The following XPO7 variants were observed in gnomAD, a reference collection of about 807,000 sequenced individuals.
The protein encoded by XPO7 is exportin-7.
A neutral mutation model predicts 144.3 loss-of-function variants in XPO7; 21 were observed. That is an observed-to-expected ratio of 0.15 (90% CI 0.10 to 0.21). XPO7 has a LOEUF of 0.21. Among genes scored for constraint, XPO7 ranks in the 10% least tolerant of loss-of-function variants. XPO7 has a pLI of 1.00. For synonymous variants in XPO7, 580 were observed against 499.6 expected (o/e 1.16, Z -2.15); for missense variants, 808 against 1,325.8 (o/e 0.61, Z 6.06).
chr8:21,971,005 T>C (rs144216939), intron 4 of XPO7, among the ~76,000 whole-genome samples: 1 of 152,316 alleles, frequency 6.6e-6, no homozygotes, highest in African/African-American at 2.4e-5. Context: ...ACTCCATTCA[T>C]GGTAAGCGCC....
Position 22,002,115 on chromosome 8 carries a change from C to T in XPO7, c.2786C>T (p.Thr929Ile). Residue 929 changes from threonine to isoleucine, a missense_variant, in exon 25 of 28, where the codon ACC (threonine) becomes ATC (isoleucine). This residue lies in a region of XPO7 where 140 missense variants were observed against 237.9 expected (regional missense o/e 0.59). Transcript: ENST00000252512. ...CCCCTGCCTTTCTTTCTTGCAGACA[C>T]CATGGTATGCACAGGCTGCTGCTCC... ...SISEGLTALD[T>I]MVCTGCCSCL... The T allele has an allele frequency of 6.2e-7, 1 of 1,608,622 alleles. No individual in the cohort carries two copies.
chr8:22,004,763 G>C (rs1200253333), intron 27 of XPO7, among the ~76,000 whole-genome samples: 2 of 151,900 alleles, frequency 1.3e-5, no homozygotes, highest in African/African-American at 2.4e-5. Context: ...TTCTGTCAGT[G>C]AGATTTCTTT....
chr8:21,949,846 T>C (rs1811313091), intron 1 of XPO7, among the ~76,000 whole-genome samples: 3 of 152,162 alleles, frequency 2.0e-5, no homozygotes, highest in Non-Finnish European at 4.4e-5. Context: ...TCTCCTGCCT[T>C]AGCCTCCCGA....
chr8:21,969,877 C>T, intron 3 of XPO7: 1 of 547,666 alleles, frequency 1.8e-6, no homozygotes, highest in Non-Finnish European at 3.2e-6. Flanking sequence ...CTGTGTAGAC[C>T]ACGTTCTTTA....
At chr8:21,955,116 C>A (rs1416826522) in intron 1 of XPO7, among the ~76,000 whole-genome samples, 8 of 152,196 alleles carry the variant, frequency 5.3e-5, no homozygotes, top group Non-Finnish European at 8.8e-5. Flanking sequence ...TATTGGCATT[C>A]TTTCTTCAAG....
In XPO7 at chr8:21,922,505, AACTT is replaced by A. The variant is rs371453402; in HGVS notation, c.18+2723_18+2726del. Among the ~76,000 whole-genome samples, 181 of 152,230 alleles carry A rather than the reference AACTT, an allele frequency of 1.2e-3. 2 individuals are homozygous for A. Among genetic ancestry groups the A allele is most frequent in the African/African-American group, 3.9e-3 (163 of 41,530 alleles). ...AGCTTTGCGTGGGAGAAAAAAATCA[AACTT>A]ACTTATGTGTGTTTAATTATGTTTA... On this transcript the variant is annotated intron_variant, in intron 1 of 27. Coordinates refer to ENST00000252512, the MANE Select transcript of XPO7 (RefSeq NM_015024.5).
At chr8:21,974,817 A>G in intron 6 of XPO7, 43 bp downstream of exon 6, 6 of 1,435,496 alleles carry the variant, frequency 4.2e-6, no homozygotes, top group Non-Finnish European at 5.7e-6. Flanking sequence ...TTCTTTTGAA[A>G]GAATGAGAAT....
Position 21,999,239 on chromosome 8 carries a change from T to C in XPO7, c.2577T>C (p.Asp859=), listed in dbSNP as rs1344250890. ...GAGTCTTTCGTCTCTATGGAGACGA[T>C]GCCCTGGACAATGCTCTGCAGACCT... is the stretch of plus-strand genomic sequence containing the variant. The part of the protein sequence containing the change: ...NFGVFRLYGD[D]ALDNALQTFI... Residue 859 remains aspartate, a synonymous_variant, in exon 23 of 28, where the codon GAT becomes GAC. Transcript: ENST00000252512. The C allele has an allele frequency of 1.2e-6, 2 of 1,613,886 alleles. No homozygotes were observed. Among genetic ancestry groups the C allele is most frequent in the African/African-American group, 1.3e-5 (1 of 75,044 alleles).
chr8:21,970,391 CA>C, intron 4 of XPO7, 81 bp downstream of exon 4: 1 of 1,250,274 alleles, frequency 8.0e-7, no homozygotes. Context: ...CACACACACA[CA>C]ACTTAACACG....
chr8:21,958,022 C>T (rs554248270), intron 1 of XPO7, among the ~76,000 whole-genome samples: 6 of 152,146 alleles, frequency 3.9e-5, no homozygotes, highest in African/African-American at 9.6e-5. Context: ...ATAATTCATG[C>T]ATAATTAATA....
At chr8:21,983,389 G>C (rs1001387651) in intron 11 of XPO7, among the ~76,000 whole-genome samples, 1 of 152,230 alleles carries the variant, frequency 6.6e-6, no homozygotes, top group Non-Finnish European at 1.5e-5. Flanking sequence ...TTATAGCCCT[G>C]TTTAGGTAGC....
At position 21,934,136 on chromosome 8, in the gene XPO7, C is replaced by A. The variant is rs190130884; in HGVS notation, c.18+14348C>A. On this transcript the variant is annotated intron_variant, in intron 1 of 27. Coordinates refer to ENST00000252512, the MANE Select transcript of XPO7 (RefSeq NM_015024.5). Reference sequence around the variant, plus strand: ...CTTGCTTTCGTAGTTCTTATAGATACTCAGTAAATTATACCAATAAATATA... The same window carrying A: ...CTTGCTTTCGTAGTTCTTATAGATAATCAGTAAATTATACCAATAAATATA... Among the ~76,000 whole-genome samples the A allele has an allele frequency of 6.6e-5, 10 of 152,216 alleles. No homozygotes were observed. In the East Asian group the frequency reaches 1.9e-3, roughly 29 times the overall value.
At chr8:21,943,482 TCA>T (rs1475723837) in intron 1 of XPO7, among the ~76,000 whole-genome samples, 1 of 152,228 alleles carries the variant, frequency 6.6e-6, no homozygotes, top group Non-Finnish European at 1.5e-5. Flanking sequence ...CACATTTTTC[TCA>T]CAAGTGTTTC....
At chr8:21,966,275 G>C (rs757828643) in intron 1 of XPO7, 1 of 780,376 alleles carries the variant, frequency 1.3e-6, no homozygotes, top group East Asian at 2.4e-5. Context: ...ACAGAAGAGA[G>C]TCTGCTGAAC....
chr8:22,003,418 TG>T, intron 26 of XPO7, 101 bp downstream of exon 26: 1 of 876,664 alleles, frequency 1.1e-6, no homozygotes, highest in Non-Finnish European at 1.7e-6. Flanking sequence ...CACCCCACGG[TG>T]GTGAAACAGG....
intron 8 of XPO7, among the ~76,000 whole-genome samples, chr8:21,978,344 A>T (rs1045707296): frequency 2.6e-5 from 4 of 152,232 alleles, no homozygotes; most frequent in African/African-American, 9.6e-5. Flanking sequence ...AAATTCATTC[A>T]CGTTCTAAAA....
chr8:21,949,386 A>T (rs1811298011), intron 1 of XPO7, among the ~76,000 whole-genome samples: 1 of 152,196 alleles, frequency 6.6e-6, no homozygotes. Flanking sequence ...CCTTGTCTGA[A>T]GCCTACATAC....
At chr8:21,951,644 T>C (rs1415077074) in intron 1 of XPO7, among the ~76,000 whole-genome samples, 2 of 152,186 alleles carry the variant, frequency 1.3e-5, no homozygotes, top group African/African-American at 2.4e-5. Context: ...GCCCATTTTG[T>C]TTGAATATTA....
chr8:21,967,033 A>G, intron 2 of XPO7, 30 bp downstream of exon 2: 2 of 1,603,904 alleles, frequency 1.2e-6, no homozygotes, highest in Non-Finnish European at 1.7e-6. Context: ...CCTAAAGGAT[A>G]ACAGGCGCTT....
Sources: allele counts gnomAD v4.1 joint callset (sites outside exome capture counted in the v4.1 genomes callset), GRCh38; gene constraint gnomAD v4.1.1; regional missense constraint gnomAD v4.1.1; transcripts MANE v1.5; gene names NCBI Gene and HGNC (gene_info 2026-07-23, HGNC 2026-07-21).